MORC3: variants seen among roughly 807,000 people sequenced by gnomAD.
The protein encoded by MORC3 is MORC family CW-type zinc finger 3, also known as MORC family CW-type zinc finger protein 3.
Under a neutral mutation model 109.1 loss-of-function variants are expected in MORC3, and 31 were observed. The observed-to-expected ratio is 0.28, with a 90% CI of 0.21 to 0.38. The LOEUF (loss-of-function observed/expected upper bound fraction) is 0.38. Ranked by LOEUF, MORC3 falls within the 10% of genes least tolerant of loss-of-function variation. MORC3 has a pLI of 1.00. For synonymous variants in MORC3, 395 were observed against 380.7 expected (o/e 1.04, Z -0.44); for missense variants, 867 against 1,135.8 (o/e 0.76, Z 3.40).
At chr21:36,349,863 G>A (rs2085551456) in intron 9 of MORC3, among the ~76,000 whole-genome samples, 1 of 152,212 alleles carries the variant, frequency 6.6e-6, no homozygotes, top group South Asian at 2.1e-4. Context: ...GTTGGAGCTA[G>A]CAGAAGACTG....
chr21:36,372,310 A>G (rs1300275147), intron 15 of MORC3, 64 bp from the exon 16 acceptor site: 1 of 1,409,144 alleles, frequency 7.1e-7, no homozygotes, highest in Admixed American at 2.7e-5. Flanking sequence ...TTAGCTTGAA[A>G]TTTCACTTTG....
chr21:36,333,635 G>A lies in MORC3; in HGVS notation c.40-11G>A. 6.2e-7 allele frequency: 1 copy of A among 1,606,764 alleles called. No individual in the cohort carries two copies. The highest frequency in any genetic ancestry group is 8.5e-7 in the Non-Finnish European group (1 of 1,174,042). ...CTGAATTAATTTACATGGACCTTTT[G>A]TTTGTTTCAGCTTTGCCCGAAGTTT... On this transcript the variant is annotated splice_polypyrimidine_tract_variant and intron_variant, in intron 1 of 16. Transcript: ENST00000400485.
intron 15 of MORC3, among the ~76,000 whole-genome samples, chr21:36,370,597 T>G (rs1248767609): frequency 7.0e-6 from 1 of 143,190 alleles, no homozygotes; most frequent in Non-Finnish European, 1.5e-5. Context: ...AATCTTTGAT[T>G]AATATACATA....
chr21:36,328,891 C>T (rs1345715520), intron 1 of MORC3, among the ~76,000 whole-genome samples: 3 of 132,954 alleles, frequency 2.3e-5, no homozygotes, highest in Admixed American at 8.2e-5. Context: ...AATATACTAA[C>T]GATAGCTGAT....
rs762285346 is a variant in MORC3, at chr21:36,344,555, ACTT to A, written c.757-20_757-18del. On this transcript the variant is annotated intron_variant, in intron 6 of 16. Transcript: ENST00000400485. ...ATGGTGAGCAAACCTGTAGATACTA[ACTT>A]CTTGTTATGTTATTTTCCAGGCTTA... 1.9e-5 allele frequency: 31 copies of A among 1,608,616 alleles called. No homozygotes were observed. The Admixed American group carries it at 4.7e-4, about 25-fold the overall frequency.
chr21:36,357,849 T>G (rs759978032), intron 10 of MORC3, among the ~76,000 whole-genome samples: 1 of 150,310 alleles, frequency 6.7e-6, no homozygotes, highest in Non-Finnish European at 1.5e-5. Flanking sequence ...CAAGCAATTC[T>G]CCTGCCTCAG....
chr21:36,368,849 C>T, intron 14 of MORC3, 139 bp from the exon 15 acceptor site: 1 of 771,164 alleles, frequency 1.3e-6, no homozygotes, highest in Admixed American at 3.0e-5. Context: ...TGCACTCTAG[C>T]CTGGGCGACA....
intron 9 of MORC3, among the ~76,000 whole-genome samples, chr21:36,349,949 A>G (rs1286880728): frequency 6.6e-6 from 1 of 152,184 alleles, no homozygotes; most frequent in Non-Finnish European, 1.5e-5. Flanking sequence ...CAAAATAGTA[A>G]CAGAGTACCA....
intron 1 of MORC3, among the ~76,000 whole-genome samples, chr21:36,331,620 C>CAAACA (rs34495390): frequency 1.3e-5 from 2 of 150,648 alleles, no homozygotes; most frequent in South Asian, 4.2e-4. Context: ...AAAAAACAAA[C>CAAACA]AAAAAAACTA....
At position 36,359,686 on chromosome 21, in the gene MORC3, A is replaced by T. The variant is rs1387389287; in HGVS notation, c.1209-269A>T. ...CTCCCACCTCAGCCTCCCAAGTAGC[A>T]GGGACCACAGGTGTGCATTACCACT... is the stretch of plus-strand genomic sequence containing the variant. On this transcript the variant is annotated intron_variant, in intron 10 of 16. Coordinates refer to ENST00000400485, the MANE Select transcript of MORC3 (RefSeq NM_015358.3). 2.0e-5 allele frequency among the ~76,000 whole-genome samples: 3 copies of T among 149,632 alleles called. No individual in the cohort carries two copies. In the Admixed American group the frequency reaches 2.0e-4, roughly 10 times the overall value.
intron 9 of MORC3, among the ~76,000 whole-genome samples, chr21:36,353,005 T>A (rs1209011378): frequency 6.6e-6 from 1 of 151,358 alleles, no homozygotes; most frequent in Non-Finnish European, 1.5e-5. Flanking sequence ...TCTATTAACA[T>A]GTATTTCATA....
At position 36,372,455 on chromosome 21, in the gene MORC3, A is replaced by G. The variant is rs970112978; in HGVS notation, c.2590A>G (p.Thr864Ala). The G allele has an allele frequency of 6.2e-7, 1 of 1,609,622 alleles. No homozygotes were observed. The highest frequency in any genetic ancestry group is 8.5e-7 in the Non-Finnish European group (1 of 1,179,248). ...LKTEVEQLKS[T>A]NQQTATDVST... ...AACTGAAGTAGAACAGTTAAAATCT[A>G]CAAATCAACAGACGGCAACAGATGT... Residue 864 changes from threonine (T) to alanine (A), a missense_variant, in exon 16 of 17, where the codon ACA becomes GCA. Physicochemically the swap from Thr to Ala is moderately conservative, Grantham distance 58. Around this residue, in one of 7 missense-constraint regions of MORC3, gnomAD observed 486 missense variants for 502.1 expected, o/e 0.97. Coordinates refer to ENST00000400485, the MANE Select transcript of MORC3 (RefSeq NM_015358.3).
Position 36,369,304 on chromosome 21 carries a change from A to C in MORC3, c.1936A>C (p.Ser646Arg). 2 of 1,614,210 alleles carry C rather than the reference A, an allele frequency of 1.2e-6. No individual in the cohort carries two copies. Among genetic ancestry groups the C allele is most frequent in the Non-Finnish European group, 1.7e-6 (2 of 1,180,052 alleles). Reference protein sequence around the residue: ...NTAATQTEVPSLVVKKEETVE... With the variant: ...NTAATQTEVPRLVVKKEETVE... ...TGCAGCTACCCAGACTGAAGTACCA[A>C]GTTTAGTTGTTAAAAAAGAAGAAAC... The change falls in exon 15 of 17, where the codon AGT becomes CGT. Residue 646 changes from serine (S) to arginine (R), a missense_variant. Around this residue, in one of 7 missense-constraint regions of MORC3, gnomAD observed 486 missense variants for 502.1 expected, o/e 0.97. Coordinates refer to ENST00000400485, the MANE Select transcript of MORC3 (RefSeq NM_015358.3).
intron 1 of MORC3, among the ~76,000 whole-genome samples, chr21:36,327,285 T>A (rs1349867330): frequency 1.3e-5 from 2 of 148,914 alleles, no homozygotes; most frequent in Non-Finnish European, 3.0e-5. Flanking sequence ...GCCTCCTGAG[T>A]AGCTGGGATT....
chr21:36,320,278 C>T lies in MORC3; in HGVS notation c.14C>T (p.Pro5Leu). The T allele has an allele frequency of 1.3e-6, 2 of 1,579,760 alleles. No individual in the cohort carries two copies. Among genetic ancestry groups the T allele is most frequent in the Non-Finnish European group, 1.7e-6 (2 of 1,164,658 alleles). MAAQ[P>L]PRGIRLSALC... ...AGCTCGCTCAAGATGGCGGCGCAGCCACCCCGCGGGATACGCCTCAGCGCG... is the reference window on the plus strand; with the variant it reads ...AGCTCGCTCAAGATGGCGGCGCAGCTACCCCGCGGGATACGCCTCAGCGCG... The change falls in exon 1 of 17, where the codon CCA becomes CTA. Residue 5 changes from proline (P) to leucine (L), a missense_variant. Physicochemically the swap from Pro to Leu is moderately conservative, Grantham distance 98. This residue lies in a region of MORC3 where 33 missense variants were observed against 18.5 expected (regional missense o/e 1.78). Coordinates refer to ENST00000400485, the MANE Select transcript of MORC3 (RefSeq NM_015358.3).
Position 36,364,202 on chromosome 21 carries a change from C to T in MORC3, c.1562C>T (p.Ala521Val), listed in dbSNP as rs1420553037. Residue 521 changes from alanine to valine, a missense_variant, in exon 14 of 17, where the codon GCG becomes GTG. Ala to Val is a moderately conservative substitution (Grantham distance 64, BLOSUM62 0). This residue lies in a region of MORC3 where 486 missense variants were observed against 502.1 expected (regional missense o/e 0.97). Transcript: ENST00000400485. ...CTTTCAGAAGGAACAAATTCTTATG[C>T]GACAAGACTTCTAAATAATCATCAA... ...RHLSEGTNSY[A>V]TRLLNNHQVP... 5 of 1,613,976 alleles carry T rather than the reference C, an allele frequency of 3.1e-6. No homozygotes were observed. The highest frequency in any genetic ancestry group is 1.3e-5 in the African/African-American group (1 of 74,896).
At chr21:36,351,420 A>G (rs1214753107) in intron 9 of MORC3, among the ~76,000 whole-genome samples, 2 of 151,890 alleles carry the variant, frequency 1.3e-5, no homozygotes, top group Non-Finnish European at 2.9e-5. Context: ...AATTAACTGT[A>G]TTTTTATACT....
At chr21:36,333,827 G>T (rs1463704450) in intron 2 of MORC3, 109 bp downstream of exon 2, 1 of 897,536 alleles carries the variant, frequency 1.1e-6, no homozygotes, top group Non-Finnish European at 1.7e-6. Flanking sequence ...CTGTCGCCCA[G>T]GCTGGAGTGC....
chr21:36,323,636 G>A (rs1238150070), intron 1 of MORC3, among the ~76,000 whole-genome samples: 1 of 152,024 alleles, frequency 6.6e-6, no homozygotes, highest in Non-Finnish European at 1.5e-5. Context: ...TAATTTGGCT[G>A]GATTTGCATT....
Sources: gnomAD v4.1 joint callset for allele counts (sites outside exome capture counted in the v4.1 genomes callset) on GRCh38, gnomAD v4.1.1 for gene constraint, gnomAD v4.1.1 regional missense constraint, MANE v1.5 for transcripts, NCBI Gene and HGNC (gene_info 2026-07-23, HGNC 2026-07-21) for gene names.